KCNN3: variants seen among roughly 807,000 people sequenced by gnomAD.
The protein encoded by KCNN3 is small conductance calcium-activated potassium channel protein 3.
KCNN3 carries 16 observed loss-of-function variants against 62.9 expected under a neutral mutation model. That is an observed-to-expected ratio of 0.25 (90% confidence interval 0.17 to 0.39). The LOEUF (loss-of-function observed/expected upper bound fraction) is 0.39. Among genes scored for constraint, KCNN3 ranks in the 10% least tolerant of loss-of-function variants. The pLI, the probability that KCNN3 is intolerant of heterozygous loss-of-function variation, is 1.00. For synonymous variants in KCNN3, 370 were observed against 389.2 expected, an observed-to-expected ratio of 0.95 and a Z score of 0.58; for missense variants, 599 against 949.4, an observed-to-expected ratio of 0.63 and a Z score of 4.85.
chr1:154,813,754 C>T (rs1210288442), intron 2 of KCNN3, among the ~76,000 whole-genome samples: 4 of 152,126 alleles, frequency 2.6e-5, no homozygotes, highest in Admixed American at 2.6e-4. Context: ...TGACATTCCC[C>T]AGAGACAAAA....
intron 3 of KCNN3, among the ~76,000 whole-genome samples, chr1:154,742,047 G>C (rs140695178): frequency 6.6e-6 from 1 of 152,218 alleles, no homozygotes; most frequent in Non-Finnish European, 1.5e-5. Context: ...CATCTGCAGC[G>C]GCTCACTGGC....
intron 1 of KCNN3, among the ~76,000 whole-genome samples, chr1:154,825,121 G>A (rs1035875917): frequency 6.6e-6 from 1 of 152,180 alleles, no homozygotes; most frequent in Non-Finnish European, 1.5e-5. Context: ...GCTTGAAATT[G>A]ATATGGTTCC....
intron 1 of KCNN3, among the ~76,000 whole-genome samples, chr1:154,858,829 C>T (rs1206196331): frequency 1.3e-5 from 2 of 152,034 alleles, no homozygotes. Context: ...CCTCAGCCTC[C>T]CAAAGTGCTG....
At chr1:154,797,366 T>G (rs1649775836) in intron 2 of KCNN3, among the ~76,000 whole-genome samples, 1 of 152,222 alleles carries the variant, frequency 6.6e-6, no homozygotes, top group Admixed American at 6.5e-5. Flanking sequence ...GGCAAGTTAA[T>G]TAACCTCTCT....
At chr1:154,847,208 C>T (rs11576820) in intron 1 of KCNN3, among the ~76,000 whole-genome samples, 22,873 of 151,822 alleles carry the variant, frequency 0.15, 2,242 homozygotes, top group Non-Finnish European at 0.22. Flanking sequence ...CTCACTACCC[C>T]CCCCTGCCCT....
At chr1:154,859,095 G>C (rs1443542121) in intron 1 of KCNN3, among the ~76,000 whole-genome samples, 2 of 152,198 alleles carry the variant, frequency 1.3e-5, no homozygotes, top group African/African-American at 4.8e-5. Context: ...GCTCAACCCT[G>C]AGCAACATGC....
Position 154,817,456 on chromosome 1 carries a change from G to C in KCNN3, c.1029+4633C>G, listed in dbSNP as rs532670321. Reference sequence around the variant, plus strand: ...GGGTTAATCGGAAGTCAATATGGAGGATCAGCATCCAAGATGGAGTTGCTG... The same window carrying C: ...GGGTTAATCGGAAGTCAATATGGAGCATCAGCATCCAAGATGGAGTTGCTG... On this transcript the variant is annotated intron_variant, in intron 2 of 7. Transcript: ENST00000271915. 2.0e-5 allele frequency among the ~76,000 whole-genome samples: 3 copies of C among 152,324 alleles called. No homozygotes were observed. The East Asian group carries it at 5.8e-4, about 29-fold the overall frequency.
At chr1:154,830,205 C>T (rs1020791888) in intron 1 of KCNN3, among the ~76,000 whole-genome samples, 3 of 152,150 alleles carry the variant, frequency 2.0e-5, no homozygotes, top group Non-Finnish European at 4.4e-5. Context: ...ATTCACTTAC[C>T]AGAGGCCAGG....
chr1:154,805,520 A>G (rs1202013908), intron 2 of KCNN3, among the ~76,000 whole-genome samples: 3 of 152,208 alleles, frequency 2.0e-5, no homozygotes, highest in East Asian at 3.8e-4. Context: ...ATTATTCACC[A>G]GTCTCTTCTC....
rs750643072 is a variant in KCNN3 at position 154,725,982 on chromosome 1, C to T, written c.1635G>A (p.Lys545=). The T allele has an allele frequency of 6.2e-7, 1 of 1,614,178 alleles. No individual in the cohort carries two copies. The highest frequency in any genetic ancestry group is 1.1e-5 in the South Asian group (1 of 91,084). ...GCTTCTCCGCTTTGGTGAGTTCCAGCTTTCGGGCCACCACGGCCACCACAA... is the reference window on the plus strand; with the variant it reads ...GCTTCTCCGCTTTGGTGAGTTCCAGTTTTCGGGCCACCACGGCCACCACAA... The part of the protein sequence containing the change: ...TALVVAVVAR[K]LELTKAEKHV... The change falls in exon 5 of 8, where the codon AAG becomes AAA. Residue 545 remains lysine, a synonymous_variant. Coordinates refer to ENST00000271915, the MANE Select transcript of KCNN3 (RefSeq NM_002249.6).
chr1:154,834,998 C>G (rs1235925283), intron 1 of KCNN3, among the ~76,000 whole-genome samples: 1 of 152,200 alleles, frequency 6.6e-6, no homozygotes, highest in Non-Finnish European at 1.5e-5. Flanking sequence ...CGGTCCTGAC[C>G]AGCTGTCCTC....
chr1:154,780,821 G>A (rs957718229), intron 2 of KCNN3, among the ~76,000 whole-genome samples: 6 of 152,176 alleles, frequency 3.9e-5, no homozygotes, highest in Non-Finnish European at 8.8e-5. Context: ...GGAACTAGAG[G>A]AAGAAAGGGA....
chr1:154,780,598 A>T (rs547867275), intron 2 of KCNN3, among the ~76,000 whole-genome samples: 92 of 147,184 alleles, frequency 6.3e-4, no homozygotes, highest in African/African-American at 1.6e-3. Context: ...TTTATATTTT[A>T]TATATATATA....
chr1:154,802,978 G>A (rs1042378667), intron 2 of KCNN3, among the ~76,000 whole-genome samples: 1 of 152,278 alleles, frequency 6.6e-6, no homozygotes. Context: ...CCCTTTTCAC[G>A]CCGTGCATGA....
At chr1:154,863,294 C>A (rs1003592586) in intron 1 of KCNN3, among the ~76,000 whole-genome samples, 7 of 152,186 alleles carry the variant, frequency 4.6e-5, no homozygotes, top group Admixed American at 1.3e-4. Flanking sequence ...AGAAAAGGCA[C>A]TAGAATTTTC....
At chr1:154,771,764 CT>C in intron 3 of KCNN3, 3 of 629,602 alleles carry the variant, frequency 4.8e-6, no homozygotes, top group Middle Eastern at 2.5e-4. Flanking sequence ...AATTCTGTGC[CT>C]TTTTCCCACC....
At chr1:154,805,343 C>T (rs560599710) in intron 2 of KCNN3, among the ~76,000 whole-genome samples, 27 of 152,290 alleles carry the variant, frequency 1.8e-4, no homozygotes, top group African/African-American at 5.8e-4. Context: ...TTGGAAAAAT[C>T]GCCTCTATTC....
At chr1:154,813,695 C>G (rs1293886317) in intron 2 of KCNN3, among the ~76,000 whole-genome samples, 4 of 152,184 alleles carry the variant, frequency 2.6e-5, no homozygotes, top group African/African-American at 7.2e-5. Flanking sequence ...CAGGGCTTTT[C>G]ACACCTGTTA....
intron 3 of KCNN3, among the ~76,000 whole-genome samples, chr1:154,761,630 C>A (rs991612696): frequency 6.6e-6 from 1 of 152,094 alleles, no homozygotes; most frequent in Non-Finnish European, 1.5e-5. Context: ...TCCTACCTTA[C>A]TGTAATTTTC....
Sources: gnomAD v4.1 joint callset for allele counts (sites outside exome capture counted in the v4.1 genomes callset) on GRCh38, gnomAD v4.1.1 for gene constraint, MANE v1.5 for transcripts, NCBI Gene and HGNC (gene_info 2026-07-23, HGNC 2026-07-21) for gene names.